CCDC91: variants seen among roughly 807,000 people sequenced by gnomAD.
The protein encoded by CCDC91 is coiled-coil domain-containing protein 91.
Under a neutral mutation model 63.2 loss-of-function variants are expected in CCDC91, and 48 were observed. The observed-to-expected ratio is 0.76, with a 90% CI of 0.60 to 0.97. The LOEUF (loss-of-function observed/expected upper bound fraction) is 0.97, where lower values mean the gene tolerates loss of function less well. CCDC91 is among the 50% of genes least tolerant of loss of function. The pLI is 0.00. For missense variants in CCDC91, 500 were observed against 494.6 expected, an observed-to-expected ratio of 1.01 and a Z score of -0.10; for synonymous variants, 167 against 165.8, an observed-to-expected ratio of 1.01 and a Z score of -0.06.
intron 12 of CCDC91, among the ~76,000 whole-genome samples, chr12:28,529,637 A>G (rs1294135144): frequency 3.9e-5 from 6 of 152,168 alleles, no homozygotes; most frequent in African/African-American, 4.8e-5. Context: ...GAGATGGGGA[A>G]CAGGAATGTA....
chr12:28,211,764 T>TC (rs1943248548), intron 1 of CCDC91, among the ~76,000 whole-genome samples: 1 of 149,812 alleles, frequency 6.7e-6, no homozygotes, highest in Non-Finnish European at 1.5e-5. Flanking sequence ...AGCCAGTTCT[T>TC]TTTTTTTTTT....
At chr12:28,460,602 C>T (rs1169905035) in intron 11 of CCDC91, among the ~76,000 whole-genome samples, 1 of 151,866 alleles carries the variant, frequency 6.6e-6, no homozygotes, top group Admixed American at 6.6e-5. Flanking sequence ...AGCTTAGAAA[C>T]CATAACTATC....
chr12:28,415,957 A>G lies in CCDC91; in HGVS notation c.762+24546A>G, dbSNP rs1947630073. 4.5e-5 allele frequency among the ~76,000 whole-genome samples: 6 copies of G among 134,272 alleles called. No individual in the cohort carries two copies. The South Asian group carries it at 1.7e-3, about 37-fold the overall frequency. 88.1% of individuals were successfully genotyped at this position (134,272 alleles called of 152,430 possible). Reference sequence around the variant, plus strand: ...TCAGGCTGTGTCCTGAATATTCAGCACTGAGGAATGTGTTTTTTTTTTTCT... The same window carrying G: ...TCAGGCTGTGTCCTGAATATTCAGCGCTGAGGAATGTGTTTTTTTTTTTCT... On this transcript the variant is annotated intron_variant, in intron 8 of 12. Transcript: ENST00000536442.
chr12:28,416,999 T>C (rs1947703890), intron 8 of CCDC91, among the ~76,000 whole-genome samples: 2 of 152,152 alleles, frequency 1.3e-5, no homozygotes, highest in Non-Finnish European at 2.9e-5. Context: ...TTTCTGTGTA[T>C]GTATATGGAT....
At chr12:28,227,593 G>A (rs558495505) in intron 1 of CCDC91, among the ~76,000 whole-genome samples, 12 of 151,730 alleles carry the variant, frequency 7.9e-5, no homozygotes, top group African/African-American at 2.4e-4. Flanking sequence ...ATGCCTTTTT[G>A]TACCCAAACT....
chr12:28,470,446 C>T (rs1213832161), intron 11 of CCDC91, among the ~76,000 whole-genome samples: 1 of 151,912 alleles, frequency 6.6e-6, no homozygotes, highest in Non-Finnish European at 1.5e-5. Context: ...AAATGCCTGG[C>T]AAGGATGTGG....
chr12:28,474,260 T>A (rs1950968225), intron 11 of CCDC91, among the ~76,000 whole-genome samples: 1 of 152,110 alleles, frequency 6.6e-6, no homozygotes, highest in South Asian at 2.1e-4. Flanking sequence ...TGCAGTGAAG[T>A]TAAAAATGAT....
intron 8 of CCDC91, among the ~76,000 whole-genome samples, chr12:28,431,276 A>G (rs529790248): frequency 6.6e-5 from 10 of 152,106 alleles, no homozygotes; most frequent in Admixed American, 3.9e-4. Context: ...TTTTGTTAAC[A>G]TACTGATTTT....
intron 2 of CCDC91, among the ~76,000 whole-genome samples, chr12:28,258,273 A>AAAAT (rs1946581688): frequency 6.6e-6 from 1 of 151,530 alleles, no homozygotes; most frequent in African/African-American, 2.4e-5. Context: ...TATTTTTGTT[A>AAAAT]AAATGCCTTC....
chr12:28,471,501 G>T (rs1300001631), intron 11 of CCDC91, among the ~76,000 whole-genome samples: 2 of 152,056 alleles, frequency 1.3e-5, no homozygotes, highest in East Asian at 3.9e-4. Flanking sequence ...GGAATATATA[G>T]GGAACCCTCA....
intron 1 of CCDC91, among the ~76,000 whole-genome samples, chr12:28,192,995 T>C (rs944799169): frequency 1.3e-5 from 2 of 152,244 alleles, no homozygotes; most frequent in African/African-American, 4.8e-5. Flanking sequence ...AATGGAATCA[T>C]ACAGTATGTA....
chr12:28,359,559 T>C (rs1943741285), intron 6 of CCDC91, among the ~76,000 whole-genome samples: 1 of 152,336 alleles, frequency 6.6e-6, no homozygotes, highest in African/African-American at 2.4e-5. Context: ...AACAGATTAC[T>C]TATGAGTTTG....
At chr12:28,372,638 C>T (rs1944692945) in intron 7 of CCDC91, among the ~76,000 whole-genome samples, 1 of 151,358 alleles carries the variant, frequency 6.6e-6, no homozygotes, top group African/African-American at 2.4e-5. Context: ...TCATTCTCAC[C>T]TTTGTTGTTA....
chr12:28,402,261 T>C (rs1418900442), intron 8 of CCDC91, among the ~76,000 whole-genome samples: 1 of 152,194 alleles, frequency 6.6e-6, no homozygotes, highest in Non-Finnish European at 1.5e-5. Flanking sequence ...AGTTTTCTTA[T>C]CTATGAACGT....
At chr12:28,289,427 C>T (rs916300787) in intron 3 of CCDC91, among the ~76,000 whole-genome samples, 1 of 152,030 alleles carries the variant, frequency 6.6e-6, no homozygotes, top group African/African-American at 2.4e-5. Context: ...TCTGCCTTCT[C>T]TTCATTATTT....
At chr12:28,381,288 A>C (rs189987107) in intron 7 of CCDC91, among the ~76,000 whole-genome samples, 1 of 152,212 alleles carries the variant, frequency 6.6e-6, no homozygotes, top group African/African-American at 2.4e-5. Context: ...CCTACCTTCT[A>C]GGTAATCAAC....
rs683506 is a variant in CCDC91, at chr12:28,201,472, C to T, written c.-15+10831C>T. Among the ~76,000 whole-genome samples, 13 of 136,172 alleles carry T rather than the reference C, an allele frequency of 9.5e-5. 3 individuals are homozygous for T. Among genetic ancestry groups the T allele is most frequent in the Non-Finnish European group, 2.0e-4 (12 of 59,802 alleles). 89.3% of individuals were successfully genotyped at this position (136,172 alleles called of 152,430 possible). On this transcript the variant is annotated intron_variant, in intron 1 of 12. Coordinates refer to ENST00000536442, the MANE Select transcript of CCDC91 (RefSeq NM_018318.5). ...GCTCCTCACTTCCTAGATGGGATGG[C>T]GACTGGGAAGAGGCGCTCGTCACTT...
At chr12:28,330,107 T>C (rs1941370428) in intron 6 of CCDC91, among the ~76,000 whole-genome samples, 1 of 152,194 alleles carries the variant, frequency 6.6e-6, no homozygotes, top group African/African-American at 2.4e-5. Context: ...GTAGCATGAT[T>C]TATAATCCAT....
intron 11 of CCDC91, among the ~76,000 whole-genome samples, chr12:28,467,305 G>A (rs1950594925): frequency 6.6e-6 from 1 of 152,002 alleles, no homozygotes; most frequent in African/African-American, 2.4e-5. Flanking sequence ...CCAAAAATGA[G>A]CAGGAGTAGC....
Sources: allele counts gnomAD v4.1 joint callset (sites outside exome capture counted in the v4.1 genomes callset), GRCh38; gene constraint gnomAD v4.1.1; transcripts MANE v1.5; gene names NCBI Gene and HGNC (gene_info 2026-07-23, HGNC 2026-07-21).